KIF26B: variants seen among roughly 807,000 people sequenced by gnomAD.
The protein encoded by KIF26B is kinesin-like protein KIF26B.
Under a neutral mutation model 151.2 loss-of-function variants are expected in KIF26B, and 63 were observed. The ratio of observed to expected loss-of-function variants is 0.42; its 90% confidence interval spans 0.34 to 0.51. The LOEUF is 0.51. Ranked by LOEUF, KIF26B falls within the 20% of genes least tolerant of loss-of-function variation. The pLI is 0.07. For synonymous variants in KIF26B, 1,357 were observed against 1,262.1 expected, an observed-to-expected ratio of 1.08 and a Z score of -1.59; for missense variants, 2,813 against 2,913.6, an observed-to-expected ratio of 0.97 and a Z score of 0.79.
intron 5 of KIF26B, among the ~76,000 whole-genome samples, chr1:245,596,766 C>G (rs1181005652): frequency 6.6e-6 from 1 of 152,116 alleles, no homozygotes; most frequent in Non-Finnish European, 1.5e-5. Context: ...GTGTGGGAGT[C>G]TAAATCTCTT....
chr1:245,535,883 T>C (rs1173496109), intron 4 of KIF26B, among the ~76,000 whole-genome samples: 1 of 152,206 alleles, frequency 6.6e-6, no homozygotes, highest in Non-Finnish European at 1.5e-5. Flanking sequence ...GTCATTAAAT[T>C]CTCATAAAAA....
chr1:245,521,325 A>G (rs1296541363), intron 4 of KIF26B, among the ~76,000 whole-genome samples: 2 of 149,284 alleles, frequency 1.3e-5, no homozygotes, highest in Non-Finnish European at 3.0e-5. Flanking sequence ...TGAGTGACAG[A>G]GCGAGACTCC....
chr1:245,556,228 T>A, intron 5 of KIF26B, among the ~76,000 whole-genome samples: 1 of 112,320 alleles, frequency 8.9e-6, no homozygotes, highest in East Asian at 2.6e-4. Flanking sequence ...CTCCTCCTCT[T>A]CTTCTTCTTC....
At chr1:245,443,497 G>T (rs1353330502) in intron 4 of KIF26B, among the ~76,000 whole-genome samples, 3 of 91,290 alleles carry the variant, frequency 3.3e-5, no homozygotes, top group Non-Finnish European at 6.7e-5. Context: ...TAGAGGAGAG[G>T]TCATCTCCCT....
intron 5 of KIF26B, among the ~76,000 whole-genome samples, chr1:245,546,357 A>C (rs1010370277): frequency 1.1e-4 from 16 of 152,102 alleles, no homozygotes; most frequent in African/African-American, 3.9e-4. Flanking sequence ...TACTGTTTTT[A>C]AAAAAGGTAC....
intron 2 of KIF26B, among the ~76,000 whole-genome samples, chr1:245,180,246 A>ATCTT (rs906150107): frequency 3.3e-5 from 5 of 152,114 alleles, no homozygotes; most frequent in Non-Finnish European, 7.4e-5. Flanking sequence ...AGACTCATGT[A>ATCTT]TCTTTCTCTT....
intron 4 of KIF26B, among the ~76,000 whole-genome samples, chr1:245,470,588 G>A (rs913408923): frequency 2.6e-5 from 4 of 152,074 alleles, no homozygotes; most frequent in African/African-American, 7.2e-5. Flanking sequence ...CCGCCACCAC[G>A]CCCGGCTAAT....
intron 2 of KIF26B, among the ~76,000 whole-genome samples, chr1:245,182,372 C>T (rs1397374840): frequency 6.6e-6 from 1 of 152,224 alleles, no homozygotes; most frequent in African/African-American, 2.4e-5. Flanking sequence ...ACAGTGTTTT[C>T]AAGGCTCACC....
chr1:245,309,503 G>A lies in KIF26B; in HGVS notation c.466-57331G>A, dbSNP rs1023914558. The stretch of plus-strand genomic sequence containing the variant: ...CCTTTGGGATGGAATGACGCCATCG[G>A]GTCTCCTGGTTCTCAGCCCTTTGGA... On this transcript the variant is annotated intron_variant, in intron 2 of 14. Transcript: ENST00000407071. Among the ~76,000 whole-genome samples, 6 of 152,028 alleles carry A rather than the reference G, an allele frequency of 3.9e-5. No individual in the cohort carries two copies. In the South Asian group the frequency reaches 1.0e-3, roughly 26 times the overall value.
intron 5 of KIF26B, among the ~76,000 whole-genome samples, chr1:245,575,212 C>T (rs544962888): frequency 9.2e-5 from 14 of 151,592 alleles, no homozygotes; most frequent in East Asian, 2.0e-4. Context: ...CGGTGGCTCA[C>T]GCCTGTAATC....
In KIF26B at chr1:245,465,186, G is replaced by T. The variant is rs554657853; in HGVS notation, c.1166+45441G>T. On this transcript the variant is annotated intron_variant, in intron 4 of 14. Transcript: ENST00000407071. ...GTAGAGACGGGGTTTCCCCATGTTG[G>T]CCAGGATGGTCTCCATCTCCTGACC... is the stretch of plus-strand genomic sequence containing the variant. 9.9e-5 allele frequency among the ~76,000 whole-genome samples: 15 copies of T among 152,280 alleles called. 1 individual carries two copies. The East Asian group carries it at 2.9e-3, about 29-fold the overall frequency.
At chr1:245,547,799 C>A (rs1307173295) in intron 5 of KIF26B, among the ~76,000 whole-genome samples, 1 of 152,026 alleles carries the variant, frequency 6.6e-6, no homozygotes, top group African/African-American at 2.4e-5. Flanking sequence ...CATTTTCTGG[C>A]GTTCCTGGCC....
intron 5 of KIF26B, among the ~76,000 whole-genome samples, chr1:245,586,049 C>A (rs1036750982): frequency 2.0e-5 from 3 of 152,122 alleles, no homozygotes; most frequent in Non-Finnish European, 4.4e-5. Context: ...GGCTGGAATG[C>A]AGTGCTGTGT....
Position 245,646,249 on chromosome 1 carries a change from C to G in KIF26B, c.2227C>G (p.Leu743Val). The G allele has an allele frequency of 6.2e-7, 1 of 1,613,928 alleles. No individual in the cohort carries two copies. The change falls in exon 10 of 15, where the codon CTC becomes GTC. Residue 743 changes from leucine (L) to valine (V), a missense_variant. Leu to Val is a conservative substitution (Grantham distance 32, BLOSUM62 1). This residue lies in a region of KIF26B where 2,060 missense variants were observed against 2,088.6 expected (regional missense o/e 0.99). Transcript: ENST00000407071. The part of the protein sequence containing the change: ...LSALGNVILA[L>V]VNGSKHIPYK... ...TGCTCTGGGCAATGTCATCCTGGCT[C>G]TCGTCAATGGCAGCAAACACATTCC...
intron 2 of KIF26B, among the ~76,000 whole-genome samples, chr1:245,308,467 T>C (rs1393004002): frequency 6.6e-6 from 1 of 152,222 alleles, no homozygotes; most frequent in African/African-American, 2.4e-5. Context: ...ATGTCTTCCT[T>C]GCATGGATAC....
intron 5 of KIF26B, among the ~76,000 whole-genome samples, chr1:245,566,526 G>C (rs2043011604): frequency 6.6e-6 from 1 of 152,246 alleles, no homozygotes; most frequent in Non-Finnish European, 1.5e-5. Context: ...TGCTTGTGCT[G>C]AGATTTTGTT....
intron 2 of KIF26B, among the ~76,000 whole-genome samples, chr1:245,332,310 A>G (rs1672130163): frequency 2.0e-5 from 3 of 152,106 alleles, no homozygotes; most frequent in African/African-American, 4.8e-5. Context: ...ATGACTAAAA[A>G]TGACATAACC....
At chr1:245,204,566 GT>G (rs1669363373) in intron 2 of KIF26B, among the ~76,000 whole-genome samples, 1 of 151,900 alleles carries the variant, frequency 6.6e-6, no homozygotes, top group South Asian at 2.1e-4. Flanking sequence ...TAGAGGCGGG[GT>G]TTCGCCATGT....
intron 2 of KIF26B, among the ~76,000 whole-genome samples, chr1:245,171,532 A>G (rs1212244429): frequency 6.6e-6 from 1 of 152,172 alleles, no homozygotes; most frequent in Non-Finnish European, 1.5e-5. Flanking sequence ...CGACAGAGTG[A>G]GACTCCATCT....
Sources: gnomAD v4.1 joint callset for allele counts (sites outside exome capture counted in the v4.1 genomes callset) on GRCh38, gnomAD v4.1.1 for gene constraint, gnomAD v4.1.1 regional missense constraint, MANE v1.5 for transcripts, NCBI Gene and HGNC (gene_info 2026-07-23, HGNC 2026-07-21) for gene names.